The following CDK8 variants were observed in gnomAD, a reference collection of about 807,000 sequenced individuals.
CDK8 encodes the protein cyclin dependent kinase 8, also known as cyclin-dependent kinase 8.
CDK8 carries 29 observed loss-of-function variants against 71.5 expected under a neutral mutation model. That is an observed-to-expected ratio of 0.41 (90% CI 0.30 to 0.55). The LOEUF is 0.55. CDK8 is among the 20% of genes least tolerant of loss of function. CDK8 has a pLI of 0.37. For synonymous variants in CDK8, 161 were observed against 192.1 expected, an observed-to-expected ratio of 0.84 and a Z score of 1.34; for missense variants, 288 against 572.6, an observed-to-expected ratio of 0.50 and a Z score of 5.07.
chr13:26,263,414 G>GT (rs1290525423), intron 1 of CDK8, among the ~76,000 whole-genome samples: 1 of 152,064 alleles, frequency 6.6e-6, no homozygotes, highest in African/African-American at 2.4e-5. Context: ...GATTACAGGC[G>GT]TGAGCCACCG....
intron 1 of CDK8, among the ~76,000 whole-genome samples, chr13:26,316,426 C>T (rs1054525417): frequency 6.6e-6 from 1 of 152,100 alleles, no homozygotes; most frequent in African/African-American, 2.4e-5. Context: ...TTCCTCCTCC[C>T]ATTGTTGCAA....
rs536212421 is a variant in CDK8 at position 26,372,027 on chromosome 13, A to G, written c.457-10787A>G. 1.9e-4 allele frequency among the ~76,000 whole-genome samples: 29 copies of G among 152,326 alleles called. No homozygotes were observed. The South Asian group carries it at 5.4e-3, about 28-fold the overall frequency. On this transcript the variant is annotated intron_variant, in intron 4 of 12. Coordinates refer to ENST00000381527, the MANE Select transcript of CDK8 (RefSeq NM_001260.3). ...AATAGGTTACGTGGCATTTAGGGAT[A>G]TATAAGAGAGTATACTTTTCAAATA... is the stretch of plus-strand genomic sequence containing the variant.
chr13:26,311,298 T>A (rs1409027070), intron 1 of CDK8, among the ~76,000 whole-genome samples: 1 of 152,172 alleles, frequency 6.6e-6, no homozygotes, highest in African/African-American at 2.4e-5. Context: ...ATTTTTGTTC[T>A]TCTCCACTTA....
At chr13:26,396,589 C>A (rs1470355585) in intron 8 of CDK8, among the ~76,000 whole-genome samples, 1 of 151,992 alleles carries the variant, frequency 6.6e-6, no homozygotes, top group East Asian at 1.9e-4. Flanking sequence ...AAAACAAATT[C>A]ATGTCTTTCC....
In CDK8 at chr13:26,375,705, A is replaced by G. The variant is rs182253295; in HGVS notation, c.457-7109A>G. On this transcript the variant is annotated intron_variant, in intron 4 of 12. Coordinates refer to ENST00000381527, the MANE Select transcript of CDK8 (RefSeq NM_001260.3). ...CACTGAGTAAACTATGACATAAAAT[A>G]TGCACACAATGGAGCATCTATGGCT... Among the ~76,000 whole-genome samples the G allele has an allele frequency of 4.7e-4, 71 of 152,384 alleles. 1 individual carries two copies. Among genetic ancestry groups the G allele is most frequent in the East Asian group, 3.5e-3 (18 of 5,194 alleles).
At chr13:26,292,533 A>T (rs1425034030) in intron 1 of CDK8, among the ~76,000 whole-genome samples, 1 of 152,226 alleles carries the variant, frequency 6.6e-6, no homozygotes, top group Non-Finnish European at 1.5e-5. Context: ...AAATCTGCTC[A>T]CATCACTTTT....
At chr13:26,379,858 G>A (rs1442557666) in intron 4 of CDK8, among the ~76,000 whole-genome samples, 1 of 152,188 alleles carries the variant, frequency 6.6e-6, no homozygotes, top group Non-Finnish European at 1.5e-5. Context: ...TTAACTGTGT[G>A]CAGCTTTATA....
chr13:26,258,260 C>T (rs1382606820), intron 1 of CDK8, among the ~76,000 whole-genome samples: 2 of 152,004 alleles, frequency 1.3e-5, no homozygotes, highest in Non-Finnish European at 2.9e-5. Flanking sequence ...CATTATGCTT[C>T]CTATAATTAA....
At chr13:26,316,703 A>G (rs1190636125) in intron 1 of CDK8, among the ~76,000 whole-genome samples, 1 of 152,212 alleles carries the variant, frequency 6.6e-6, no homozygotes, top group Admixed American at 6.5e-5. Context: ...GAAAAGTAGC[A>G]AACACCAGGG....
chr13:26,311,693 C>T (rs1318194138), intron 1 of CDK8, among the ~76,000 whole-genome samples: 1 of 152,154 alleles, frequency 6.6e-6, no homozygotes, highest in Admixed American at 6.5e-5. Context: ...CTTCATCTCC[C>T]TCTCTTCCTC....
chr13:26,261,917 G>T (rs897158806), intron 1 of CDK8, among the ~76,000 whole-genome samples: 2 of 152,172 alleles, frequency 1.3e-5, no homozygotes, highest in African/African-American at 4.8e-5. Context: ...TTGTGTACAA[G>T]ACCTGACTAG....
chr13:26,271,377 C>T (rs1872313675), intron 1 of CDK8, among the ~76,000 whole-genome samples: 1 of 152,124 alleles, frequency 6.6e-6, no homozygotes, highest in South Asian at 2.1e-4. Context: ...TATGGTGTAG[C>T]CTATTGCTTA....
At chr13:26,378,663 G>C (rs1286304780) in intron 4 of CDK8, among the ~76,000 whole-genome samples, 2 of 152,132 alleles carry the variant, frequency 1.3e-5, no homozygotes, top group Non-Finnish European at 2.9e-5. Flanking sequence ...CAGTTTAATG[G>C]AGTATATGCC....
intron 3 of CDK8, among the ~76,000 whole-genome samples, chr13:26,350,777 T>G (rs1206532013): frequency 1.3e-5 from 2 of 152,142 alleles, no homozygotes; most frequent in Non-Finnish European, 1.5e-5. Flanking sequence ...GATGCTATAT[T>G]GAAAAAAATT....
chr13:26,315,305 G>C (rs1024265149), intron 1 of CDK8, among the ~76,000 whole-genome samples: 2 of 152,138 alleles, frequency 1.3e-5, no homozygotes, highest in African/African-American at 4.8e-5. Context: ...GTCATCCTTT[G>C]TGTTGTTCAT....
intron 1 of CDK8, among the ~76,000 whole-genome samples, chr13:26,306,624 T>G (rs936841737): frequency 4.4e-5 from 5 of 113,534 alleles, no homozygotes; most frequent in Non-Finnish European, 8.0e-5. Context: ...TTATTGCTCT[T>G]TTTTTTTTTT....
intron 1 of CDK8, among the ~76,000 whole-genome samples, chr13:26,277,058 A>G (rs1036697925): frequency 6.6e-6 from 1 of 152,200 alleles, no homozygotes; most frequent in African/African-American, 2.4e-5. Flanking sequence ...AAACAAAACA[A>G]TTCTATTTCA....
At chr13:26,343,022 T>C (rs1273773867) in intron 2 of CDK8, among the ~76,000 whole-genome samples, 1 of 152,162 alleles carries the variant, frequency 6.6e-6, no homozygotes, top group African/African-American at 2.4e-5. Flanking sequence ...CCTCATCATC[T>C]CTTCTTGGGA....
intron 3 of CDK8, among the ~76,000 whole-genome samples, chr13:26,352,913 T>G (rs1873742094): frequency 6.6e-6 from 1 of 152,244 alleles, no homozygotes; most frequent in Admixed American, 6.5e-5. Flanking sequence ...AAGAACATGC[T>G]TAATATTTAC....
Sources: allele counts gnomAD v4.1 joint callset (sites outside exome capture counted in the v4.1 genomes callset), GRCh38; gene constraint gnomAD v4.1.1; transcripts MANE v1.5; gene names NCBI Gene and HGNC (gene_info 2026-07-23, HGNC 2026-07-21).